PCDHA9: variants seen among roughly 807,000 people sequenced by gnomAD.
PCDHA9 encodes protocadherin alpha-9.
A neutral mutation model predicts 62.0 loss-of-function variants in PCDHA9; 62 were observed. The ratio of observed to expected loss-of-function variants is 1.00; its 90% CI spans 0.81 to 1.23. PCDHA9 has a LOEUF of 1.23. Among genes scored for constraint, PCDHA9 ranks in the 50% most tolerant of loss-of-function variants. The pLI, the probability that PCDHA9 is intolerant of heterozygous loss-of-function variation, is 0.00. For synonymous variants in PCDHA9, 557 were observed against 567.6 expected (o/e 0.98, Z 0.27); for missense variants, 1,205 against 1,249.8 (o/e 0.96, Z 0.54).
rs1554148289 is a variant in PCDHA9, at chr5:140,856,164, G to A, written c.2394+5275G>A. 5.0e-6 allele frequency: 8 copies of A among 1,598,390 alleles called. 1 individual carries two copies. Among genetic ancestry groups the A allele is most frequent in the Non-Finnish European group, 6.8e-6 (8 of 1,167,930 alleles). On this transcript the variant is annotated intron_variant, in intron 1 of 3. Coordinates refer to ENST00000532602, the MANE Select transcript of PCDHA9 (RefSeq NM_031857.2). ...CACTACTCAGTCTACGAGGAGGCCA[G>A]ACACGGCACCTTCGTGGGCCGCATC...
Position 140,953,715 on chromosome 5 carries a change from A to T in PCDHA9, c.2395-25234A>T, listed in dbSNP as rs535385036. Among the ~76,000 whole-genome samples the T allele has an allele frequency of 2.6e-5, 4 of 152,312 alleles. No homozygotes were observed. The South Asian group carries it at 6.2e-4, about 24-fold the overall frequency. On this transcript the variant is annotated intron_variant, in intron 1 of 3. Transcript: ENST00000532602. ...TGATCTACTAGACTGAGCTTCAGAC[A>T]TTGTGTTTTGAAATTTTTGCTTAAC...
Position 140,968,070 on chromosome 5 carries a change from A to G in PCDHA9, c.2395-10879A>G, listed in dbSNP as rs377189542. On this transcript the variant is annotated intron_variant, in intron 1 of 3. Transcript: ENST00000532602. The stretch of plus-strand genomic sequence containing the variant: ...CTGGACCGAGAGCGGGTGGCTGTCT[A>G]CAACATCACGGTGACAGCCACAGAT... 3.5e-5 allele frequency: 57 copies of G among 1,614,034 alleles called. No homozygotes were observed. The highest frequency in any genetic ancestry group is 1.6e-4 in the Middle Eastern group (1 of 6,082).
intron 3 of PCDHA9, among the ~76,000 whole-genome samples, chr5:140,998,871 A>C (rs1554256499): frequency 6.6e-6 from 1 of 152,200 alleles, no homozygotes; most frequent in African/African-American, 2.4e-5. Flanking sequence ...CTTGTAAATA[A>C]TAAGTTTAGT....
At chr5:140,886,361 G>A (rs374709389) in intron 1 of PCDHA9, among the ~76,000 whole-genome samples, 1 of 151,992 alleles carries the variant, frequency 6.6e-6, no homozygotes, top group African/African-American at 2.4e-5. Context: ...TTACATAGGT[G>A]TACATGCCAT....
In PCDHA9 at chr5:140,852,554, C is replaced by T. The variant is rs2150518333; in HGVS notation, c.2394+1665C>T. On this transcript the variant is annotated intron_variant, in intron 1 of 3. Coordinates refer to ENST00000532602, the MANE Select transcript of PCDHA9 (RefSeq NM_031857.2). ...GCCTCCCAAAGTGCTGGGATTAAAG[C>T]TGTGAGCCACTGTGCCAAGGCTTTT... The T allele has an allele frequency of 2.3e-3, 1,476 of 640,248 alleles. 60 individuals are homozygous for T. The highest frequency in any genetic ancestry group is 1.6e-3 in the Non-Finnish European group (826 of 501,678). 39.7% of individuals were successfully genotyped at this position (640,248 alleles called of 1,614,324 possible).
rs2150484906 is a variant in PCDHA9 at position 140,850,455 on chromosome 5, C to T, written c.1960C>T (p.His654Tyr). ...GCGCCTACTGGTGCTGGTGAAAGAC[C>T]ACGGGGAGCCAGCGCTGACGGCCAC... Reference protein sequence around the residue: ...RQRLLVLVKDHGEPALTATAT... With the variant: ...RQRLLVLVKDYGEPALTATAT... Residue 654 changes from histidine to tyrosine, a missense_variant, in exon 1 of 4, where the codon CAC becomes TAC. By Grantham distance (83) the His-to-Tyr change is moderately conservative. Coordinates refer to ENST00000532602, the MANE Select transcript of PCDHA9 (RefSeq NM_031857.2). 1 of 1,597,620 alleles carries T rather than the reference C, an allele frequency of 6.3e-7. No individual in the cohort carries two copies. Among genetic ancestry groups the T allele is most frequent in the Admixed American group, 1.7e-5 (1 of 59,246 alleles).
At chr5:140,928,292 T>G in intron 1 of PCDHA9, 1 of 1,614,086 alleles carries the variant, frequency 6.2e-7, no homozygotes, top group Middle Eastern at 1.6e-4. Flanking sequence ...CTAGGCCGAG[T>G]GTTTGCCCAG....
At chr5:140,879,047 A>G (rs931436432) in intron 1 of PCDHA9, among the ~76,000 whole-genome samples, 1 of 152,238 alleles carries the variant, frequency 6.6e-6, no homozygotes, top group African/African-American at 2.4e-5. Flanking sequence ...AAAGATAGAC[A>G]ACATTTTACC....
At chr5:140,897,395 G>A (rs1583270355) in intron 1 of PCDHA9, among the ~76,000 whole-genome samples, 1 of 135,586 alleles carries the variant, frequency 7.4e-6, no homozygotes, top group Middle Eastern at 5.0e-3. Flanking sequence ...GTGTCCATGT[G>A]TTCTCATTGT....
intron 1 of PCDHA9, among the ~76,000 whole-genome samples, chr5:140,953,994 A>G (rs1464982369): frequency 6.6e-6 from 1 of 151,886 alleles, no homozygotes; most frequent in Non-Finnish European, 1.5e-5. Flanking sequence ...TTTCATGTGT[A>G]CTCATCATTC....
rs79307553 is a variant in PCDHA9, at chr5:140,974,500, T to G, written c.2395-4449T>G. ...ACCCAGAATTCTCAAATGTATTACC[T>G]TTGTGTTTTATTTTATTTTAGTTTT... is the stretch of plus-strand genomic sequence containing the variant. On this transcript the variant is annotated intron_variant, in intron 1 of 3. Transcript: ENST00000532602. 8.7e-3 allele frequency among the ~76,000 whole-genome samples: 1,326 copies of G among 152,308 alleles called. 23 individuals carry two copies. Among genetic ancestry groups the G allele is most frequent in the African/African-American group, 0.03 (1,239 of 41,564 alleles).
intron 1 of PCDHA9, among the ~76,000 whole-genome samples, chr5:140,897,980 A>C (rs1313292712): frequency 6.6e-6 from 1 of 152,206 alleles, no homozygotes. Context: ...GGCTGCATAA[A>C]TGTCTTCTTT....
intron 1 of PCDHA9, chr5:140,967,345 CGAGCTG>C (rs1443872198): frequency 1.2e-6 from 2 of 1,607,634 alleles, no homozygotes; most frequent in Non-Finnish European, 1.7e-6. Context: ...GCGAGCACTT[CGAGCTG>C]GACCTTAAGC....
intron 1 of PCDHA9, among the ~76,000 whole-genome samples, chr5:140,931,261 A>G (rs1455233876): frequency 6.6e-6 from 1 of 152,152 alleles, no homozygotes; most frequent in African/African-American, 2.4e-5. Flanking sequence ...AAATTTCACT[A>G]TTTATTTCTT....
rs2150489760 is a variant in PCDHA9, at chr5:140,850,568, G to T, written c.2073G>T (p.Val691=). The change falls in exon 1 of 4, where the codon GTG becomes GTT. Residue 691 remains valine (V), a synonymous_variant. Coordinates refer to ENST00000532602, the MANE Select transcript of PCDHA9 (RefSeq NM_031857.2). ...RASVGATGPE[V]TLVDVNVYLI... ...CAGTGGGTGCCACGGGCCCCGAGGT[G>T]ACGCTGGTGGATGTCAACGTGTACC... 2 of 1,598,448 alleles carry T rather than the reference G, an allele frequency of 1.3e-6. No homozygotes were observed. Among genetic ancestry groups the T allele is most frequent in the South Asian group, 2.2e-5 (2 of 90,536 alleles).
chr5:140,880,645 C>T (rs535367313), intron 1 of PCDHA9, among the ~76,000 whole-genome samples: 5 of 152,148 alleles, frequency 3.3e-5, no homozygotes, highest in Admixed American at 3.3e-4. Flanking sequence ...CACTTGAGAG[C>T]CCAACTGAGG....
intron 1 of PCDHA9, among the ~76,000 whole-genome samples, chr5:140,894,286 A>T (rs2064400911): frequency 6.6e-6 from 1 of 151,788 alleles, no homozygotes; most frequent in African/African-American, 2.4e-5. Flanking sequence ...GTATTTTTGA[A>T]GTTTATTTTC....
At chr5:140,882,414 C>T in intron 1 of PCDHA9, 2 of 1,614,148 alleles carry the variant, frequency 1.2e-6, no homozygotes, top group Non-Finnish European at 8.5e-7. Flanking sequence ...GGCCGCATCG[C>T]TCAGGACCTG....
rs1368694746 is a variant in PCDHA9, at chr5:140,870,609, G to T, written c.2394+19720G>T. ...TGGAGCGGCGGTTGGGCGACCGCGC[G>T]CTGTCGAGCTACGTGTCGGTGCACG... On this transcript the variant is annotated intron_variant, in intron 1 of 3. Coordinates refer to ENST00000532602, the MANE Select transcript of PCDHA9 (RefSeq NM_031857.2). The T allele has an allele frequency of 5.0e-6, 8 of 1,613,114 alleles. No homozygotes were observed. In the East Asian group the frequency reaches 1.8e-4, roughly 36 times the overall value.
Sources: gnomAD v4.1 joint callset for allele counts (sites outside exome capture counted in the v4.1 genomes callset) on GRCh38, gnomAD v4.1.1 for gene constraint, MANE v1.5 for transcripts, NCBI Gene and HGNC (gene_info 2026-07-23, HGNC 2026-07-21) for gene names.